Variants in CACNA2D4 observed in about 807,000 individuals in gnomAD.
CACNA2D4 encodes voltage-dependent calcium channel subunit alpha-2/delta-4.
CACNA2D4 carries 157 observed loss-of-function variants against 163.8 expected under a neutral mutation model. That is an observed-to-expected ratio of 0.96 (90% CI 0.84 to 1.09). The LOEUF is 1.09. Ranked by LOEUF, CACNA2D4 falls within the 50% of genes least tolerant of loss-of-function variation. The pLI is 0.00. For missense variants in CACNA2D4, 1,410 were observed against 1,479.9 expected (o/e 0.95, Z 0.78); for synonymous variants, 598 against 586.9 (o/e 1.02, Z -0.27).
chr12:1,813,625 C>T (rs562643742), intron 26 of CACNA2D4, among the ~76,000 whole-genome samples: 3 of 152,268 alleles, frequency 2.0e-5, no homozygotes, highest in South Asian at 2.1e-4. Context: ...ATGAAGAAAC[C>T]GAGGCTTTGA....
At position 1,844,588 on chromosome 12, in the gene CACNA2D4, T is replaced by G; in HGVS notation, c.2343-59A>C. 1 of 1,563,158 alleles carries G rather than the reference T, an allele frequency of 6.4e-7. No homozygotes were observed. The highest frequency in any genetic ancestry group is 1.2e-5 in the South Asian group (1 of 84,842). On this transcript the variant is annotated intron_variant, in intron 24 of 37. Coordinates refer to ENST00000382722, the MANE Select transcript of CACNA2D4 (RefSeq NM_172364.5). The surrounding 1 kb of genome is among the most constrained non-coding windows in gnomAD (Gnocchi z 4.2). ...ATCTGTGAACACAGTCATCACTCTT[T>G]CCTTTTCTCACACAAGGTCAACTTG...
rs1864499929 is a variant in CACNA2D4, at chr12:1,829,065, G to A, written c.2551+11674C>T. Among the ~76,000 whole-genome samples, 1 of 152,328 alleles carries A rather than the reference G, an allele frequency of 6.6e-6. No individual in the cohort carries two copies. The highest frequency in any genetic ancestry group is 6.5e-5 in the Admixed American group (1 of 15,304). On this transcript the variant is annotated intron_variant, in intron 26 of 37. Transcript: ENST00000382722. This position sits in a 1 kb window ranked among gnomAD's most constrained non-coding sequence, Gnocchi z 4.2. Reference sequence around the variant, plus strand: ...GAGAGGCTGGCCCCTGAGTGACTCAGATCTCCTTTCAGCCTCATTCTAGAA... The same window carrying A: ...GAGAGGCTGGCCCCTGAGTGACTCAAATCTCCTTTCAGCCTCATTCTAGAA...
intron 26 of CACNA2D4, chr12:1,830,942 C>G (rs1204537126): frequency 6.3e-7 from 1 of 1,598,606 alleles, no homozygotes; most frequent in Admixed American, 1.7e-5. Context: ...AAGGGATCAC[C>G]TGCTGGATCG....
rs1863215625 is a variant in CACNA2D4 at position 1,798,889 on chromosome 12, T to C, written c.2995+786A>G. ...CGCGGATGTGAGTCCAGAAGGAGTC[T>C]GGAGACACAGCCCGAACTGCCCTGA... On this transcript the variant is annotated intron_variant, in intron 34 of 37. Coordinates refer to ENST00000382722, the MANE Select transcript of CACNA2D4 (RefSeq NM_172364.5). This position sits in a 1 kb window ranked among gnomAD's most constrained non-coding sequence, Gnocchi z 4.3. 6.6e-6 allele frequency among the ~76,000 whole-genome samples: 1 copy of C among 152,114 alleles called. No homozygotes were observed. The highest frequency in any genetic ancestry group is 1.5e-5 in the Non-Finnish European group (1 of 68,016).
chr12:1,826,084 CA>C (rs1370524571), intron 26 of CACNA2D4, among the ~76,000 whole-genome samples: 1 of 152,096 alleles, frequency 6.6e-6, no homozygotes, highest in Non-Finnish European at 1.5e-5. Flanking sequence ...AACAACCTCA[CA>C]GGGGAGGTTG....
chr12:1,821,324 G>C (rs1371691329), intron 26 of CACNA2D4, among the ~76,000 whole-genome samples: 2 of 152,180 alleles, frequency 1.3e-5, no homozygotes, highest in Non-Finnish European at 1.5e-5. Flanking sequence ...CACAGACCCA[G>C]GTCCTGGGCC....
In CACNA2D4 at chr12:1,833,632, A is replaced by G. The variant is rs1864727413; in HGVS notation, c.2551+7107T>C. Among the ~76,000 whole-genome samples the G allele has an allele frequency of 6.6e-6, 1 of 152,104 alleles. No individual in the cohort carries two copies. Among genetic ancestry groups the G allele is most frequent in the Non-Finnish European group, 1.5e-5 (1 of 68,040 alleles). On this transcript the variant is annotated intron_variant, in intron 26 of 37. Transcript: ENST00000382722. This position sits in a 1 kb window ranked among gnomAD's most constrained non-coding sequence, Gnocchi z 4.2. ...CCGATGGGGCCATTGGATTGCTCCT[A>G]AGGAGGAGAAGGAGAACATTCCTGC...
rs756708946 is a variant in CACNA2D4, at chr12:1,810,322, T to C, written c.2677A>G (p.Ile893Val). 2.5e-6 allele frequency: 4 copies of C among 1,613,816 alleles called. No homozygotes were observed. Among genetic ancestry groups the C allele is most frequent in the Admixed American group, 1.7e-5 (1 of 60,006 alleles). The change falls in exon 29 of 38, where the codon ATC becomes GTC. Residue 893 changes from isoleucine to valine, a missense_variant. Coordinates refer to ENST00000382722, the MANE Select transcript of CACNA2D4 (RefSeq NM_172364.5). ...ATCAGAATGAACCCGTTGTTGTCGA[T>C]GACGAAGCAGTCCAGATCCTGGGAG... ...CEDSDLDCFV[I>V]DNNGFILISK...
intron 23 of CACNA2D4, among the ~76,000 whole-genome samples, chr12:1,851,448 T>C (rs1315756927): frequency 1.3e-5 from 2 of 152,248 alleles, no homozygotes; most frequent in Non-Finnish European, 2.9e-5. Flanking sequence ...CCATCTTTCC[T>C]TCATTGATTT....
At position 1,841,095 on chromosome 12, in the gene CACNA2D4, TCGGCTG is replaced by T. The variant is rs1438828595; in HGVS notation, c.2471-282_2471-277del. ...CGACACTGGGGTTTCTGCGTGTTTG[TCGGCTG>T]CGGCATGCATTTTGCCCACAACACC... is the stretch of plus-strand genomic sequence containing the variant. On this transcript the variant is annotated intron_variant, in intron 25 of 37. Transcript: ENST00000382722. Among the ~76,000 whole-genome samples, 12 of 152,312 alleles carry T rather than the reference TCGGCTG, an allele frequency of 7.9e-5. No individual in the cohort carries two copies. The East Asian group carries it at 2.3e-3, about 29-fold the overall frequency.
In CACNA2D4 at chr12:1,882,782, C is replaced by G. The variant is rs796184979; in HGVS notation, c.1485+85G>C. ...AAGGAGGTGCTAGGCCCACCCCTTT[C>G]CTGACCCAGGAAGTAACTTCTTACT... On this transcript the variant is annotated intron_variant, in intron 13 of 37. Transcript: ENST00000382722. 92 of 1,471,946 alleles carry G rather than the reference C, an allele frequency of 6.3e-5. 1 individual carries two copies. In the African/African-American group the frequency reaches 1.2e-3, roughly 19 times the overall value. The allele number at this position is 1,471,946 out of a possible 1,614,324, so 91.2% of individuals were successfully genotyped here.
At chr12:1,796,038 T>G (rs907717224) in intron 35 of CACNA2D4, 2 of 531,034 alleles carry the variant, frequency 3.8e-6, no homozygotes, top group Admixed American at 3.2e-5. Flanking sequence ...CTGGGCCGCT[T>G]TGGAGAGTGC....
intron 23 of CACNA2D4, among the ~76,000 whole-genome samples, chr12:1,850,945 T>C (rs1211555531): frequency 6.6e-6 from 1 of 151,606 alleles, no homozygotes; most frequent in African/African-American, 2.4e-5. Context: ...TGTGGTGACA[T>C]GACCATGCCT....
intron 23 of CACNA2D4, among the ~76,000 whole-genome samples, chr12:1,850,283 C>A (rs1158852971): frequency 1.3e-5 from 2 of 152,212 alleles, no homozygotes; most frequent in Non-Finnish European, 2.9e-5. Flanking sequence ...GAAGTCCAAT[C>A]TGGGCATAGT....
Position 1,896,649 on chromosome 12 carries a change from AC to A in CACNA2D4, c.782-9581del, listed in dbSNP as rs781162877. Among the ~76,000 whole-genome samples the A allele has an allele frequency of 1.0e-3, 150 of 146,410 alleles. 2 individuals are homozygous for A. The highest frequency in any genetic ancestry group is 2.4e-3 in the South Asian group (11 of 4,560). On this transcript the variant is annotated intron_variant, in intron 6 of 37. Coordinates refer to ENST00000382722, the MANE Select transcript of CACNA2D4 (RefSeq NM_172364.5). ...CACACACACACACACACACACACACACACACAAAACAGATGCTAGCAAGGAT... is the reference window on the plus strand; with the variant it reads ...CACACACACACACACACACACACACAACACAAAACAGATGCTAGCAAGGAT...
chr12:1,837,518 C>T lies in CACNA2D4; in HGVS notation c.2551+3221G>A, dbSNP rs78615627. Among the ~76,000 whole-genome samples, 329 of 152,190 alleles carry T rather than the reference C, an allele frequency of 2.2e-3. 1 individual carries two copies. In the East Asian group the frequency reaches 0.027, roughly 12 times the overall value. ...AAGCCCCACTGAAGAGCGAGCTCAA[C>T]GCCCGGCCCGAGAACCCCCTCCTCA... On this transcript the variant is annotated intron_variant, in intron 26 of 37. Transcript: ENST00000382722.
At chr12:1,851,113 G>A (rs1322348553) in intron 23 of CACNA2D4, among the ~76,000 whole-genome samples, 2 of 151,996 alleles carry the variant, frequency 1.3e-5, no homozygotes, top group Admixed American at 6.6e-5. Flanking sequence ...GAACTTTCAG[G>A]CTAAAGTGAT....
intron 23 of CACNA2D4, among the ~76,000 whole-genome samples, chr12:1,852,498 C>CG: frequency 6.6e-6 from 1 of 152,098 alleles, no homozygotes; most frequent in East Asian, 1.9e-4. Context: ...AGAGAGACCC[C>CG]CATCTCTACA....
At position 1,853,953 on chromosome 12, in the gene CACNA2D4, G is replaced by A. The variant is rs771296834; in HGVS notation, c.2244C>T (p.Ser748=). The A allele has an allele frequency of 2.7e-5, 44 of 1,612,172 alleles. No individual in the cohort carries two copies. The highest frequency in any genetic ancestry group is 1.6e-4 in the Middle Eastern group (1 of 6,076). ...AYWTALALNM[S]EESEHVVDMA... Reference sequence around the variant, plus strand: ...GGAACCTGGGAACCTGGACCTACTCGGACATGTTGAGGGCCAGCGCTGTCC... The same window carrying A: ...GGAACCTGGGAACCTGGACCTACTCAGACATGTTGAGGGCCAGCGCTGTCC... The change falls in exon 23 of 38, where the codon TCC becomes TCT. Residue 748 remains serine (S), a splice_region_variant and synonymous_variant. Transcript: ENST00000382722.
Sources: allele counts gnomAD v4.1 joint callset (sites outside exome capture counted in the v4.1 genomes callset), GRCh38; gene constraint gnomAD v4.1.1; non-coding constraint Gnocchi (gnomAD v3.1); transcripts MANE v1.5; gene names NCBI Gene and HGNC (gene_info 2026-07-23, HGNC 2026-07-21).